Variants in FAF1 observed in about 807,000 individuals in gnomAD.
FAF1 encodes the protein Fas associated factor 1.
FAF1 carries 25 observed loss-of-function variants against 92.5 expected under a neutral mutation model. The observed-to-expected ratio is 0.27, with a 90% CI of 0.20 to 0.38. The LOEUF (loss-of-function observed/expected upper bound fraction) is 0.38. Among genes scored for constraint, FAF1 ranks in the 10% least tolerant of loss-of-function variants. The pLI is 1.00. For synonymous variants in FAF1, 234 were observed against 273.2 expected (o/e 0.86, Z 1.42); for missense variants, 636 against 793.3 (o/e 0.80, Z 2.38).
chr1:50,744,433 A>C (rs1659510025), intron 5 of FAF1, among the ~76,000 whole-genome samples: 1 of 152,232 alleles, frequency 6.6e-6, no homozygotes. Flanking sequence ...AACTCCTTTA[A>C]AAGTTAGAAA....
chr1:50,827,887 T>C (rs1237649853), intron 2 of FAF1, among the ~76,000 whole-genome samples: 1 of 152,180 alleles, frequency 6.6e-6, no homozygotes, highest in Non-Finnish European at 1.5e-5. Context: ...ATATTCTATG[T>C]TCATAGATTT....
In FAF1 at chr1:50,950,208, A is replaced by G. The variant is rs185955098; in HGVS notation, c.45+9559T>C. 2.0e-5 allele frequency among the ~76,000 whole-genome samples: 3 copies of G among 152,312 alleles called. No individual in the cohort carries two copies. The East Asian group carries it at 5.8e-4, about 29-fold the overall frequency. ...GCAAATGACTTTCTCAAAGAACCAC[A>G]GCTAAGAAAACCTAAAACAAAACAA... On this transcript the variant is annotated intron_variant, in intron 1 of 18. Transcript: ENST00000396153.
chr1:50,642,148 A>G (rs1428996557), intron 8 of FAF1, among the ~76,000 whole-genome samples: 2 of 150,496 alleles, frequency 1.3e-5, no homozygotes, highest in Non-Finnish European at 3.0e-5. Context: ...GGTTGCAGTG[A>G]GCCAAGACTG....
At chr1:50,659,068 A>C (rs1213844350) in intron 7 of FAF1, among the ~76,000 whole-genome samples, 1 of 152,208 alleles carries the variant, frequency 6.6e-6, no homozygotes, top group African/African-American at 2.4e-5. Flanking sequence ...AAAAAATCCA[A>C]AATGTACACA....
chr1:50,461,784 G>A (rs1646434207), intron 18 of FAF1, among the ~76,000 whole-genome samples: 1 of 151,274 alleles, frequency 6.6e-6, no homozygotes, highest in East Asian at 1.9e-4. Flanking sequence ...TATTAGGCAT[G>A]TAAGGCACAT....
At chr1:50,629,471 C>T (rs1297351203) in intron 8 of FAF1, among the ~76,000 whole-genome samples, 1 of 151,954 alleles carries the variant, frequency 6.6e-6, no homozygotes, top group Non-Finnish European at 1.5e-5. Context: ...GCCTGGCCTC[C>T]AGATAAGATT....
chr1:50,527,439 G>A (rs1224349811), intron 15 of FAF1, among the ~76,000 whole-genome samples: 1 of 152,084 alleles, frequency 6.6e-6, no homozygotes, highest in Non-Finnish European at 1.5e-5. Context: ...CCAATCTGTG[G>A]GTTGTACTTT....
At chr1:50,643,395 G>C (rs1006377979) in intron 8 of FAF1, among the ~76,000 whole-genome samples, 7 of 151,134 alleles carry the variant, frequency 4.6e-5, no homozygotes, top group African/African-American at 1.7e-4. Context: ...ATTCCATATT[G>C]CTTATTAATT....
intron 6 of FAF1, among the ~76,000 whole-genome samples, chr1:50,734,845 G>A (rs1015962107): frequency 4.0e-4 from 61 of 152,188 alleles, no homozygotes; most frequent in African/African-American, 1.3e-3. Context: ...ACTGGGACAT[G>A]TGAGTTGCTA....
At chr1:50,899,419 A>G (rs928815185) in intron 1 of FAF1, among the ~76,000 whole-genome samples, 2 of 152,048 alleles carry the variant, frequency 1.3e-5, no homozygotes. Flanking sequence ...GATTGGGTCC[A>G]AATACTGTGA....
At chr1:50,504,537 G>C (rs1247862367) in intron 15 of FAF1, among the ~76,000 whole-genome samples, 1 of 151,960 alleles carries the variant, frequency 6.6e-6, no homozygotes, top group Non-Finnish European at 1.5e-5. Context: ...CATCTACTAG[G>C]AAGTCTAGAA....
intron 2 of FAF1, among the ~76,000 whole-genome samples, chr1:50,837,660 T>C (rs1259751317): frequency 6.6e-6 from 1 of 152,034 alleles, no homozygotes; most frequent in African/African-American, 2.4e-5. Flanking sequence ...ATAAAGTTTG[T>C]ACCAAATACA....
chr1:50,582,425 A>C, intron 12 of FAF1, 193 bp downstream of exon 12: 1 of 499,648 alleles, frequency 2.0e-6, no homozygotes, highest in Non-Finnish European at 3.6e-6. Flanking sequence ...AGCAGCACAT[A>C]ATACTAAAAT....
chr1:50,842,087 C>G (rs1473063953), intron 2 of FAF1, among the ~76,000 whole-genome samples: 1 of 152,050 alleles, frequency 6.6e-6, no homozygotes, highest in African/African-American at 2.4e-5. Context: ...TTTCTCCTTA[C>G]TGAACAAAAA....
chr1:50,767,347 C>T (rs1660613002), intron 4 of FAF1, among the ~76,000 whole-genome samples: 1 of 152,008 alleles, frequency 6.6e-6, no homozygotes. Flanking sequence ...CACTGGTGTC[C>T]CTGAAAAAGA....
At chr1:50,833,486 G>T (rs1478381972) in intron 2 of FAF1, among the ~76,000 whole-genome samples, 1 of 152,038 alleles carries the variant, frequency 6.6e-6, no homozygotes, top group African/African-American at 2.4e-5. Context: ...TCACCAATCT[G>T]GAAGCTCTCC....
At chr1:50,757,850 A>G (rs990991657) in intron 4 of FAF1, among the ~76,000 whole-genome samples, 19 of 151,900 alleles carry the variant, frequency 1.3e-4, no homozygotes, top group African/African-American at 4.6e-4. Flanking sequence ...TAAGTACTCT[A>G]TTTCATCTCA....
chr1:50,472,196 G>A (rs370641491), intron 18 of FAF1, among the ~76,000 whole-genome samples: 1 of 151,974 alleles, frequency 6.6e-6, no homozygotes, highest in East Asian at 1.9e-4. Context: ...AGTGGGGTGA[G>A]TGTCATTACT....
intron 2 of FAF1, among the ~76,000 whole-genome samples, chr1:50,821,248 T>G (rs1644040745): frequency 6.6e-6 from 1 of 152,210 alleles, no homozygotes; most frequent in Non-Finnish European, 1.5e-5. Flanking sequence ...CAGTGGAGCA[T>G]AAATATCTGC....
Sources: gnomAD v4.1 joint callset for allele counts (sites outside exome capture counted in the v4.1 genomes callset) on GRCh38, gnomAD v4.1.1 for gene constraint, MANE v1.5 for transcripts, NCBI Gene and HGNC (gene_info 2026-07-23, HGNC 2026-07-21) for gene names.